The following GALNT18 variants were observed in gnomAD, a reference collection of about 807,000 sequenced individuals.
GALNT18 encodes the protein GalNAc-transferase 18.
Under a neutral mutation model 69.5 loss-of-function variants are expected in GALNT18, and 44 were observed. That is an observed-to-expected ratio of 0.63 (90% CI 0.50 to 0.81). The LOEUF (loss-of-function observed/expected upper bound fraction) is 0.81, where lower values mean the gene tolerates loss of function less well. Ranked by LOEUF, GALNT18 falls within the 40% of genes least tolerant of loss-of-function variation. The pLI is 0.00. For missense variants in GALNT18, 715 were observed against 810.0 expected (o/e 0.88, Z 1.42); for synonymous variants, 364 against 318.2 (o/e 1.14, Z -1.53).
Position 11,621,546 on chromosome 11 carries a change from G to T in GALNT18, c.48C>A (p.Ile16=). Residue 16 remains isoleucine, a synonymous_variant, in exon 1 of 11, where the codon ATC becomes ATA. Transcript: ENST00000227756. This position sits in a 1 kb window ranked among gnomAD's most constrained non-coding sequence, Gnocchi z 9.3. ...KTKTLVSTCV[I]LSGMTNIICL... ...AGATGATGTTAGTCATGCCGCTCAG[G>T]ATCACGCAAGTGGACACCAAAGTTT... The T allele has an allele frequency of 6.2e-7, 1 of 1,613,770 alleles. No homozygotes were observed. Among genetic ancestry groups the T allele is most frequent in the East Asian group, 2.2e-5 (1 of 44,834 alleles).
chr11:11,407,808 C>T (rs2403517), intron 3 of GALNT18, among the ~76,000 whole-genome samples: 30,731 of 152,118 alleles, frequency 0.2, 3,677 homozygotes, highest in East Asian at 0.45. Flanking sequence ...CCTGGGATTA[C>T]GAGCAGCAGG....
intron 9 of GALNT18, among the ~76,000 whole-genome samples, chr11:11,312,537 G>C (rs141189055): frequency 6.6e-5 from 10 of 152,260 alleles, no homozygotes; most frequent in Admixed American, 1.3e-4. Flanking sequence ...GAAGAGGAGG[G>C]GTTGTCTTGC....
chr11:11,581,490 C>T (rs986351786), intron 1 of GALNT18, among the ~76,000 whole-genome samples: 2 of 152,122 alleles, frequency 1.3e-5, no homozygotes, highest in Non-Finnish European at 2.9e-5. Context: ...CAAGCAAGGA[C>T]AGGGGCACGC....
Position 11,497,370 on chromosome 11 carries a change from A to ACACACACACC in GALNT18, c.236-48435_236-48434insGGTGTGTGTG, listed in dbSNP as rs1388394076. Among the ~76,000 whole-genome samples the ACACACACACC allele has an allele frequency of 1.3e-3, 178 of 134,702 alleles. No homozygotes were observed. The highest frequency in any genetic ancestry group is 1.6e-3 in the Non-Finnish European group (104 of 63,836). The allele number at this position is 134,702 out of a possible 152,430, so 88.4% of individuals were successfully genotyped here. The stretch of plus-strand genomic sequence containing the variant: ...CACACACACACACACACACACACAC[A>ACACACACACC]CCCCTTAGAATGGGGCTCCTTAAGA... On this transcript the variant is annotated intron_variant, in intron 1 of 10. Coordinates refer to ENST00000227756, the MANE Select transcript of GALNT18 (RefSeq NM_198516.3). The surrounding 1 kb of genome is among the most constrained non-coding windows in gnomAD (Gnocchi z 4.2).
At chr11:11,533,824 C>T (rs1857711486) in intron 1 of GALNT18, among the ~76,000 whole-genome samples, 2 of 152,232 alleles carry the variant, frequency 1.3e-5, no homozygotes, top group Non-Finnish European at 2.9e-5. Context: ...CCTCGTTTCT[C>T]TGCCTCATTA....
In GALNT18 at chr11:11,453,625, G is replaced by A. The variant is rs558404630; in HGVS notation, c.236-4689C>T. ...TTCCCATGTGTTGTGGGAGGGACCCGGTGGAGGTAACTGAATCATGGGGGC... is the reference window on the plus strand; with the variant it reads ...TTCCCATGTGTTGTGGGAGGGACCCAGTGGAGGTAACTGAATCATGGGGGC... On this transcript the variant is annotated intron_variant, in intron 1 of 10. Coordinates refer to ENST00000227756, the MANE Select transcript of GALNT18 (RefSeq NM_198516.3). 5.5e-4 allele frequency among the ~76,000 whole-genome samples: 83 copies of A among 152,284 alleles called. 1 individual carries two copies. The South Asian group carries it at 6.6e-3, about 12-fold the overall frequency.
intron 5 of GALNT18, among the ~76,000 whole-genome samples, chr11:11,375,787 T>C (rs1215087091): frequency 1.3e-5 from 2 of 152,184 alleles, no homozygotes; most frequent in East Asian, 1.9e-4. Flanking sequence ...CAACACAAAA[T>C]TGTGGCAGGG....
At chr11:11,502,707 T>A (rs1456949064) in intron 1 of GALNT18, among the ~76,000 whole-genome samples, 3 of 152,206 alleles carry the variant, frequency 2.0e-5, no homozygotes, top group Non-Finnish European at 4.4e-5. Context: ...AATGCAAACA[T>A]CCTCATTTGG....
chr11:11,337,994 C>T lies in GALNT18; in HGVS notation c.1278+2825G>A, dbSNP rs998163091. Reference sequence around the variant, plus strand: ...TTTTTTTTTTTTTTTGAGACAGTCTCGCTCTGTCACCCAGGCTGGAGTGAG... The same window carrying T: ...TTTTTTTTTTTTTTTGAGACAGTCTTGCTCTGTCACCCAGGCTGGAGTGAG... On this transcript the variant is annotated intron_variant, in intron 7 of 10. Transcript: ENST00000227756. This position sits in a 1 kb window ranked among gnomAD's most constrained non-coding sequence, Gnocchi z 4.9. Among the ~76,000 whole-genome samples, 3 of 139,032 alleles carry T rather than the reference C, an allele frequency of 2.2e-5. No individual in the cohort carries two copies. Among genetic ancestry groups the T allele is most frequent in the South Asian group, 2.2e-4 (1 of 4,470 alleles). 91.2% of individuals were successfully genotyped at this position (139,032 alleles called of 152,430 possible).
rs563767939 is a variant in GALNT18 at position 11,578,151 on chromosome 11, G to A, written c.235+43208C>T. Reference sequence around the variant, plus strand: ...GAGACTGTGACACATGTCCCAGAAGGTGCTGAACTCCCACGAAGGCTGACA... The same window carrying A: ...GAGACTGTGACACATGTCCCAGAAGATGCTGAACTCCCACGAAGGCTGACA... On this transcript the variant is annotated intron_variant, in intron 1 of 10. Coordinates refer to ENST00000227756, the MANE Select transcript of GALNT18 (RefSeq NM_198516.3). Among the ~76,000 whole-genome samples, 4 of 152,230 alleles carry A rather than the reference G, an allele frequency of 2.6e-5. 1 individual carries two copies. Among genetic ancestry groups the A allele is most frequent in the African/African-American group, 9.6e-5 (4 of 41,540 alleles).
At chr11:11,335,694 A>T (rs961812861) in intron 7 of GALNT18, among the ~76,000 whole-genome samples, 1 of 152,186 alleles carries the variant, frequency 6.6e-6, no homozygotes, top group Non-Finnish European at 1.5e-5. Flanking sequence ...ACTATATATG[A>T]CTAAAATGAC....
intron 10 of GALNT18, among the ~76,000 whole-genome samples, chr11:11,274,394 G>C (rs1215382012): frequency 6.6e-6 from 1 of 152,160 alleles, no homozygotes; most frequent in Non-Finnish European, 1.5e-5. Context: ...AAGTGGTCTG[G>C]ATCAGTGGGT....
In GALNT18 at chr11:11,448,766, G is replaced by A; in HGVS notation, c.406C>T (p.Leu136=). 1.2e-6 allele frequency: 2 copies of A among 1,612,418 alleles called. No individual in the cohort carries two copies. Among genetic ancestry groups the A allele is most frequent in the Non-Finnish European group, 1.7e-6 (2 of 1,179,488 alleles). ...CACCCACTGGGTCTGAGGTCAGGCA[G>A]GGGCCGGTCCAGGGGCAGGCGGTCG... ...LSDRLPLDRP[L]PDLRPSGCRN... Residue 136 remains leucine, a synonymous_variant, in exon 2 of 11, where the codon CTG becomes TTG. Coordinates refer to ENST00000227756, the MANE Select transcript of GALNT18 (RefSeq NM_198516.3).
intron 1 of GALNT18, among the ~76,000 whole-genome samples, chr11:11,594,768 A>T (rs1185941344): frequency 6.7e-6 from 1 of 148,454 alleles, no homozygotes; most frequent in Admixed American, 6.7e-5. Flanking sequence ...TGCTATAACC[A>T]TTTGTGTACA....
At chr11:11,366,569 G>A (rs35073096) in intron 6 of GALNT18, among the ~76,000 whole-genome samples, 1 of 152,134 alleles carries the variant, frequency 6.6e-6, no homozygotes, top group Non-Finnish European at 1.5e-5. Context: ...CATCTATTAG[G>A]ATAATACTAT....
chr11:11,349,976 G>T (rs1850370296), intron 6 of GALNT18, among the ~76,000 whole-genome samples: 1 of 152,184 alleles, frequency 6.6e-6, no homozygotes, highest in Admixed American at 6.5e-5. Context: ...GTCCCTGAAG[G>T]GGTCTGAACA....
At position 11,271,053 on chromosome 11, in the gene GALNT18, C is replaced by G; in HGVS notation, c.*91G>C. 7.9e-7 allele frequency: 1 copy of G among 1,265,568 alleles called. No individual in the cohort carries two copies. Among genetic ancestry groups the G allele is most frequent in the Non-Finnish European group, 1.1e-6 (1 of 923,162 alleles). 78.4% of individuals were successfully genotyped at this position (1,265,568 alleles called of 1,614,324 possible). On this transcript the variant is annotated 3_prime_UTR_variant, in exon 11 of 11. Coordinates refer to ENST00000227756, the MANE Select transcript of GALNT18 (RefSeq NM_198516.3). The stretch of plus-strand genomic sequence containing the variant: ...TTGGGGGCCCACTAACCTGGTTCCC[C>G]AGACTCCAAACAACCCCACGTGGAC...
At chr11:11,588,106 C>T (rs1859269120) in intron 1 of GALNT18, among the ~76,000 whole-genome samples, 1 of 152,128 alleles carries the variant, frequency 6.6e-6, no homozygotes, top group Non-Finnish European at 1.5e-5. Flanking sequence ...GAAAACTTCC[C>T]CAAACCTACA....
At chr11:11,291,336 C>G (rs143280109) in intron 10 of GALNT18, among the ~76,000 whole-genome samples, 2 of 152,170 alleles carry the variant, frequency 1.3e-5, no homozygotes, top group African/African-American at 2.4e-5. Context: ...TGAACTATTT[C>G]ATAAATAATG....
Sources: gnomAD v4.1 joint callset for allele counts (sites outside exome capture counted in the v4.1 genomes callset) on GRCh38, gnomAD v4.1.1 for gene constraint, Gnocchi (gnomAD v3.1) non-coding constraint, MANE v1.5 for transcripts, NCBI Gene and HGNC (gene_info 2026-07-23, HGNC 2026-07-21) for gene names.